The following TEK variants were observed in gnomAD, a reference collection of about 807,000 sequenced individuals.
TEK encodes the protein angiopoietin-1 receptor.
In TEK, 43 loss-of-function variants were observed where a neutral mutation model predicts 131.8. That is an observed-to-expected ratio of 0.33 (90% CI 0.26 to 0.42). The LOEUF is 0.42. Among genes scored for constraint, TEK ranks in the 10% least tolerant of loss-of-function variants. The pLI is 1.00. For synonymous variants in TEK, 580 were observed against 491.6 expected, an observed-to-expected ratio of 1.18 and a Z score of -2.38; for missense variants, 1,162 against 1,384.4, an observed-to-expected ratio of 0.84 and a Z score of 2.55.
At chr9:27,228,337 A>AT in intron 22 of TEK, 32 bp downstream of exon 22, 1 of 1,530,252 alleles carries the variant, frequency 6.5e-7, no homozygotes, top group Non-Finnish European at 9.1e-7. Context: ...GAGATCTTTA[A>AT]TTGGAATACC....
intron 2 of TEK, among the ~76,000 whole-genome samples, chr9:27,164,747 G>A (rs577495920): frequency 6.6e-6 from 1 of 152,036 alleles, no homozygotes; most frequent in African/African-American, 2.4e-5. Context: ...TGTTGCCTAG[G>A]CTGGTCTCAA....
intron 1 of TEK, among the ~76,000 whole-genome samples, chr9:27,137,687 A>G (rs1822528000): frequency 7.1e-6 from 1 of 140,432 alleles, no homozygotes; most frequent in Non-Finnish European, 1.6e-5. Flanking sequence ...AACAAGATTT[A>G]CTTCGTTTTA....
At chr9:27,221,360 C>T (rs368113969) in intron 21 of TEK, among the ~76,000 whole-genome samples, 50 of 152,318 alleles carry the variant, frequency 3.3e-4, no homozygotes, top group African/African-American at 1.1e-3. Context: ...CAGACTTAAA[C>T]GTTCCTGCCT....
At chr9:27,198,063 T>TTC (rs1554698524) in intron 12 of TEK, among the ~76,000 whole-genome samples, 14,397 of 152,074 alleles carry the variant, frequency 0.095, 765 homozygotes, top group Non-Finnish European at 0.11. Flanking sequence ...ACTTTTTTTT[T>TTC]CCAAAGTATT....
At chr9:27,191,160 C>A (rs1824806163) in intron 10 of TEK, among the ~76,000 whole-genome samples, 1 of 152,018 alleles carries the variant, frequency 6.6e-6, no homozygotes, top group Non-Finnish European at 1.5e-5. Context: ...GTCCTGCAGA[C>A]TCTTAACACA....
At chr9:27,172,592 C>T (rs1214003580) in intron 4 of TEK, 24 bp from the exon 5 acceptor site, 1 of 1,612,864 alleles carries the variant, frequency 6.2e-7, no homozygotes, top group East Asian at 2.2e-5. Flanking sequence ...CTACTCACCA[C>T]AGCCTTGTTT....
intron 7 of TEK, 50 bp downstream of exon 7, chr9:27,180,418 T>C (rs1274916782): frequency 6.3e-7 from 1 of 1,588,782 alleles, no homozygotes; most frequent in Non-Finnish European, 8.6e-7. Flanking sequence ...ATGTCTGAAC[T>C]GAGCTTTGGT....
intron 1 of TEK, among the ~76,000 whole-genome samples, chr9:27,121,412 C>G (rs1336199886): frequency 2.0e-5 from 3 of 151,450 alleles, no homozygotes; most frequent in Admixed American, 2.0e-4. Context: ...TATATTACTG[C>G]TGGCCTGCAA....
At chr9:27,185,847 G>C (rs927391932) in intron 9 of TEK, among the ~76,000 whole-genome samples, 26 of 152,168 alleles carry the variant, frequency 1.7e-4, no homozygotes, top group African/African-American at 6.0e-4. Context: ...GTCCCTAACA[G>C]CTCATAATCT....
At chr9:27,178,724 C>G (rs1413232091) in intron 6 of TEK, among the ~76,000 whole-genome samples, 1 of 152,148 alleles carries the variant, frequency 6.6e-6, no homozygotes, top group Non-Finnish European at 1.5e-5. Flanking sequence ...ATCCATTTGC[C>G]ATGTACCAAA....
At chr9:27,227,064 G>A (rs1000100598) in intron 21 of TEK, among the ~76,000 whole-genome samples, 1 of 152,160 alleles carries the variant, frequency 6.6e-6, no homozygotes, top group East Asian at 1.9e-4. Context: ...TTCATAAGGG[G>A]TGAGAAGATT....
At chr9:27,219,367 C>CTCAGTAAACT (rs1825955552) in intron 20 of TEK, among the ~76,000 whole-genome samples, 1 of 152,130 alleles carries the variant, frequency 6.6e-6, no homozygotes, top group Non-Finnish European at 1.5e-5. Flanking sequence ...AACCATCATC[C>CTCAGTAAACT]TCAGTAAACT....
At chr9:27,117,675 G>C (rs1320583473) in intron 1 of TEK, among the ~76,000 whole-genome samples, 1 of 152,156 alleles carries the variant, frequency 6.6e-6, no homozygotes, top group Non-Finnish European at 1.5e-5. Context: ...TGTGGTATGA[G>C]TGTGACAAAG....
Position 27,219,970 on chromosome 9 carries a change from C to A in TEK, c.3104-79C>A, listed in dbSNP as rs1387947865. The A allele has an allele frequency of 2.0e-6, 3 of 1,472,162 alleles. No homozygotes were observed. In the East Asian group the frequency reaches 6.8e-5, roughly 33 times the overall value. The allele number at this position is 1,472,162 out of a possible 1,614,324, so 91.2% of individuals were successfully genotyped here. A position where few individuals can be genotyped will look rare whatever the true frequency, so the allele number is the denominator to read the frequency against. On this transcript the variant is annotated intron_variant, in intron 20 of 22. Transcript: ENST00000380036. Reference sequence around the variant, plus strand: ...CCATACCATGTCTTCCTCCTGGCCCCTTATATTTAGAAACCCTGGACAGGA... The same window carrying A: ...CCATACCATGTCTTCCTCCTGGCCCATTATATTTAGAAACCCTGGACAGGA...
At chr9:27,127,655 T>C (rs1822041235) in intron 1 of TEK, among the ~76,000 whole-genome samples, 5 of 152,256 alleles carry the variant, frequency 3.3e-5, no homozygotes, top group Admixed American at 3.3e-4. Context: ...TTCCTGACTT[T>C]TTAATGATTG....
intron 21 of TEK, among the ~76,000 whole-genome samples, chr9:27,226,824 A>G (rs58354551): frequency 6.6e-6 from 1 of 152,200 alleles, no homozygotes; most frequent in Non-Finnish European, 1.5e-5. Flanking sequence ...AATGAACTGT[A>G]GTGATACCAG....
At chr9:27,120,117 G>T (rs941837534) in intron 1 of TEK, among the ~76,000 whole-genome samples, 2 of 152,204 alleles carry the variant, frequency 1.3e-5, no homozygotes, top group Non-Finnish European at 2.9e-5. Context: ...GAAGAAGACG[G>T]TGGTGGCAGT....
intron 1 of TEK, among the ~76,000 whole-genome samples, chr9:27,153,219 C>A (rs995957483): frequency 6.6e-6 from 1 of 152,204 alleles, no homozygotes; most frequent in African/African-American, 2.4e-5. Flanking sequence ...GAGGCCGAGG[C>A]GGGTGGATCA....
At chr9:27,115,980 T>A (rs932256005) in intron 1 of TEK, among the ~76,000 whole-genome samples, 1 of 152,206 alleles carries the variant, frequency 6.6e-6, no homozygotes, top group African/African-American at 2.4e-5. Flanking sequence ...CTTGAAAAAT[T>A]CACTCTAATA....
Sources: allele counts gnomAD v4.1 joint callset (sites outside exome capture counted in the v4.1 genomes callset), GRCh38; gene constraint gnomAD v4.1.1; transcripts MANE v1.5; gene names NCBI Gene and HGNC (gene_info 2026-07-23, HGNC 2026-07-21).